Variants in NPAS2 observed in about 807,000 individuals in gnomAD.
NPAS2 encodes the protein neuronal PAS domain protein 2.
Under a neutral mutation model 107.5 loss-of-function variants are expected in NPAS2, and 23 were observed. The ratio of observed to expected loss-of-function variants is 0.21; its 90% CI spans 0.15 to 0.30. NPAS2 has a LOEUF of 0.30. NPAS2 is among the 10% of genes least tolerant of loss of function. The pLI, the probability that NPAS2 is intolerant of heterozygous loss-of-function variation, is 1.00. For synonymous variants in NPAS2, 403 were observed against 417.5 expected, an observed-to-expected ratio of 0.97 and a Z score of 0.42; for missense variants, 756 against 1,043.3, an observed-to-expected ratio of 0.72 and a Z score of 3.79.
At chr2:100,931,549 C>T (rs1002353607) in intron 3 of NPAS2, among the ~76,000 whole-genome samples, 2 of 138,814 alleles carry the variant, frequency 1.4e-5, no homozygotes, top group Non-Finnish European at 3.0e-5. Context: ...TGTGGTGGTG[C>T]GATCTTGGCT....
intron 1 of NPAS2, among the ~76,000 whole-genome samples, chr2:100,880,370 G>A (rs1680254992): frequency 6.6e-6 from 1 of 152,142 alleles, no homozygotes; most frequent in African/African-American, 2.4e-5. Flanking sequence ...CCAAAATATG[G>A]AAGCGACCCA....
chr2:100,839,238 C>T (rs1483423017), intron 1 of NPAS2, among the ~76,000 whole-genome samples: 1 of 152,148 alleles, frequency 6.6e-6, no homozygotes. Context: ...AAGGGATTCT[C>T]CTGCCTCAGC....
At chr2:100,881,172 C>T (rs539961896) in intron 1 of NPAS2, among the ~76,000 whole-genome samples, 65 of 152,286 alleles carry the variant, frequency 4.3e-4, no homozygotes, top group African/African-American at 1.5e-3. Flanking sequence ...CTTTTGTGTC[C>T]CTCCCATCCT....
intron 5 of NPAS2, among the ~76,000 whole-genome samples, chr2:100,945,634 G>A (rs1480852251): frequency 6.6e-6 from 1 of 152,074 alleles, no homozygotes; most frequent in Non-Finnish European, 1.5e-5. Context: ...GCTTCCCTGT[G>A]CAACCTCCTC....
chr2:100,880,264 T>A (rs1350937406), intron 1 of NPAS2, among the ~76,000 whole-genome samples: 1 of 152,164 alleles, frequency 6.6e-6, no homozygotes, highest in Non-Finnish European at 1.5e-5. Context: ...GCAGTTCCAC[T>A]CCTTGGTCTA....
chr2:100,985,573 A>G (rs1249208255), intron 16 of NPAS2: 1 of 152,238 alleles, frequency 6.6e-6, no homozygotes, highest in Non-Finnish European at 1.5e-5. Flanking sequence ...TCATTCATAC[A>G]TGCATTTATT....
chr2:100,995,565 CA>C lies in NPAS2; in HGVS notation c.2459del (p.Gln820ArgfsTer18). On this transcript the variant is annotated frameshift_variant, in exon 21 of 21. Transcript: ENST00000335681. LOFTEE classifies it high-confidence loss of function. ...CAGTCTGTCTGAGTCGTCAGGCCTC[CA>C]GCAGCCGCCCCGATAATGCCCCGGC... Reference protein sequence around the residue: ...VSSLSESSGLQQPPR With the variant: ...VSSLSESSGLXQPPR 1.9e-6 allele frequency: 3 copies of C among 1,607,004 alleles called. No homozygotes were observed. The highest frequency in any genetic ancestry group is 2.6e-6 in the Non-Finnish European group (3 of 1,176,206).
chr2:100,984,419 T>C (rs1415555446), intron 16 of NPAS2: 1 of 152,234 alleles, frequency 6.6e-6, no homozygotes, highest in East Asian at 1.9e-4. Context: ...AAAACACTGA[T>C]GATTGTTGAA....
chr2:100,819,688 C>T (rs949997084), upstream of NPAS2, among the ~76,000 whole-genome samples: 3 of 152,272 alleles, frequency 2.0e-5, no homozygotes, highest in South Asian at 6.2e-4. The surrounding 1 kb of genome is among the most constrained non-coding windows in gnomAD (Gnocchi z 5.8). Flanking sequence ...TAGGCGGGGG[C>T]GGCAGATTCC....
chr2:100,877,835 C>A (rs1308354470), intron 1 of NPAS2: 5 of 453,856 alleles, frequency 1.1e-5, no homozygotes, highest in Admixed American at 6.4e-5. Flanking sequence ...GCCGGTGCAT[C>A]CTTTTTATTT....
At chr2:100,822,916 A>G (rs1248064664) in intron 1 of NPAS2, 1 of 152,216 alleles carries the variant, frequency 6.6e-6, no homozygotes, top group East Asian at 1.9e-4. Context: ...TCACATTTAA[A>G]TAGTGGATAG....
At chr2:100,988,387 G>C in intron 17 of NPAS2, 111 bp downstream of exon 17, 1 of 884,866 alleles carries the variant, frequency 1.1e-6, no homozygotes, top group Non-Finnish European at 1.8e-6. Context: ...CTACTGCCCT[G>C]TTCCGTTATG....
chr2:100,832,683 G>A (rs1676816654), intron 1 of NPAS2, among the ~76,000 whole-genome samples: 1 of 151,246 alleles, frequency 6.6e-6, no homozygotes, highest in African/African-American at 2.4e-5. Context: ...AAGAGACCTG[G>A]ATGGGCCCCT....
At chr2:100,959,240 A>T (rs1675779149) in intron 7 of NPAS2, among the ~76,000 whole-genome samples, 5 of 151,468 alleles carry the variant, frequency 3.3e-5, no homozygotes, top group Admixed American at 2.6e-4. Flanking sequence ...ACTGTGTTCC[A>T]GCCTGGGCAA....
At chr2:100,949,152 G>A (rs1408823642) in intron 6 of NPAS2, among the ~76,000 whole-genome samples, 4 of 152,224 alleles carry the variant, frequency 2.6e-5, no homozygotes, top group Non-Finnish European at 5.9e-5. Flanking sequence ...GACTAATTGG[G>A]TCCATGTATG....
At chr2:100,922,626 GTC>G (rs1306195095) in intron 2 of NPAS2, among the ~76,000 whole-genome samples, 1 of 152,158 alleles carries the variant, frequency 6.6e-6, no homozygotes, top group Non-Finnish European at 1.5e-5. Context: ...TTGTTGGAGT[GTC>G]TTTCAAAACC....
intron 2 of NPAS2, among the ~76,000 whole-genome samples, chr2:100,905,847 T>C (rs997205095): frequency 6.6e-6 from 1 of 152,194 alleles, no homozygotes; most frequent in Admixed American, 6.5e-5. Flanking sequence ...GCTCTGTGGC[T>C]GCAGGGCAGC....
rs576838691 is a variant in NPAS2, at chr2:100,965,467, T to C, written c.801-193T>C. Among the ~76,000 whole-genome samples the C allele has an allele frequency of 4.5e-5, 3 of 66,832 alleles. No individual in the cohort carries two copies. Among genetic ancestry groups the C allele is most frequent in the Non-Finnish European group, 7.6e-5 (3 of 39,542 alleles). 43.8% of individuals were successfully genotyped at this position (66,832 alleles called of 152,430 possible). A position where few individuals can be genotyped will look rare whatever the true frequency, so the allele number is the denominator to read the frequency against. ...TTATGCCAAGGGAAAGGAGTATCTA[T>C]ATGCCAAAAAAAAAAGCTGAGCCCT... On this transcript the variant is annotated intron_variant, in intron 9 of 20. Transcript: ENST00000335681. The surrounding 1 kb of genome is among the most constrained non-coding windows in gnomAD (Gnocchi z 4.3).
chr2:100,916,137 A>C (rs546118096), intron 2 of NPAS2, among the ~76,000 whole-genome samples: 1 of 152,322 alleles, frequency 6.6e-6, no homozygotes, highest in East Asian at 1.9e-4. Flanking sequence ...AATACTAAAA[A>C]ATGTTTAAAT....
Sources: gnomAD v4.1 joint callset for allele counts (sites outside exome capture counted in the v4.1 genomes callset) on GRCh38, gnomAD v4.1.1 for gene constraint, Gnocchi (gnomAD v3.1) non-coding constraint, MANE v1.5 for transcripts, NCBI Gene and HGNC (gene_info 2026-07-23, HGNC 2026-07-21) for gene names.